DLG2: variants seen among roughly 807,000 people sequenced by gnomAD.
The protein encoded by DLG2 is disks large homolog 2.
DLG2 carries 45 observed loss-of-function variants against 132.5 expected under a neutral mutation model. The observed-to-expected ratio is 0.34, with a 90% CI of 0.27 to 0.44. The LOEUF is 0.44. Among genes scored for constraint, DLG2 ranks in the 20% least tolerant of loss-of-function variants. DLG2 has a pLI of 1.00. For missense variants in DLG2, 1,045 were observed against 1,196.9 expected (o/e 0.87, Z 1.87); for synonymous variants, 424 against 419.6 (o/e 1.01, Z -0.13).
At chr11:84,525,294 A>G (rs971332038) in intron 7 of DLG2, among the ~76,000 whole-genome samples, 2 of 152,258 alleles carry the variant, frequency 1.3e-5, no homozygotes, top group East Asian at 1.9e-4. Flanking sequence ...AGTTACTCCA[A>G]CATAAACTCA....
chr11:84,714,644 TC>T (rs2060976487), intron 6 of DLG2, among the ~76,000 whole-genome samples: 18 of 136,652 alleles, frequency 1.3e-4, no homozygotes, highest in Admixed American at 2.2e-4. Flanking sequence ...TCTCTCTCTC[TC>T]TTTCTCTCTC....
At chr11:84,741,873 G>T (rs142259990) in intron 6 of DLG2, among the ~76,000 whole-genome samples, 168 of 152,080 alleles carry the variant, frequency 1.1e-3, no homozygotes, top group African/African-American at 3.7e-3. Flanking sequence ...ATTATCTTAA[G>T]GAAGCTCAGT....
At chr11:83,966,951 TA>T (rs1276503607) in intron 12 of DLG2, among the ~76,000 whole-genome samples, 1 of 152,108 alleles carries the variant, frequency 6.6e-6, no homozygotes, top group Non-Finnish European at 1.5e-5. Flanking sequence ...ATTTGACTTT[TA>T]TTTTTTAAGA....
chr11:84,921,383 G>A (rs1357214715), intron 6 of DLG2, among the ~76,000 whole-genome samples: 1 of 152,102 alleles, frequency 6.6e-6, no homozygotes, highest in Non-Finnish European at 1.5e-5. Context: ...CAATACATAA[G>A]AAGTATATCT....
intron 10 of DLG2, among the ~76,000 whole-genome samples, chr11:84,065,452 A>C (rs1467621140): frequency 1.3e-5 from 2 of 152,220 alleles, no homozygotes; most frequent in Non-Finnish European, 2.9e-5. Flanking sequence ...ATGGCCAGCA[A>C]GCATATGAAA....
intron 6 of DLG2, among the ~76,000 whole-genome samples, chr11:84,965,966 A>T (rs919349022): frequency 6.6e-6 from 1 of 152,104 alleles, no homozygotes; most frequent in South Asian, 2.1e-4. Flanking sequence ...GTTTCTGTAC[A>T]TACTTCCAAA....
At chr11:84,126,531 A>G (rs912354146) in intron 9 of DLG2, among the ~76,000 whole-genome samples, 1 of 152,204 alleles carries the variant, frequency 6.6e-6, no homozygotes, top group Non-Finnish European at 1.5e-5. Context: ...TGGGTTGTAT[A>G]TAAAGATTTT....
intron 6 of DLG2, among the ~76,000 whole-genome samples, chr11:85,075,530 T>A (rs2066418763): frequency 6.6e-6 from 1 of 151,888 alleles, no homozygotes; most frequent in Non-Finnish European, 1.5e-5. Context: ...TTTTACTGAC[T>A]GAAATAAGCA....
intron 16 of DLG2, among the ~76,000 whole-genome samples, chr11:83,845,304 AAG>A (rs145073147): frequency 2.0e-5 from 3 of 152,310 alleles, no homozygotes; most frequent in African/African-American, 7.2e-5. Context: ...GAAACTTGTG[AAG>A]AGAGGGGCAT....
At chr11:85,324,171 T>C (rs1246365387) in intron 3 of DLG2, among the ~76,000 whole-genome samples, 2 of 152,184 alleles carry the variant, frequency 1.3e-5, no homozygotes, top group East Asian at 1.9e-4. Flanking sequence ...CTCTGAATTA[T>C]GTAGGCCCAG....
intron 10 of DLG2, among the ~76,000 whole-genome samples, chr11:84,084,751 G>A (rs2096952142): frequency 6.6e-6 from 1 of 152,092 alleles, no homozygotes; most frequent in Admixed American, 6.5e-5. Context: ...GATACATAAT[G>A]ATTGTACATT....
chr11:84,541,459 C>T (rs1478750956), intron 6 of DLG2, among the ~76,000 whole-genome samples: 1 of 152,042 alleles, frequency 6.6e-6, no homozygotes, highest in East Asian at 1.9e-4. Context: ...GTGTTGCCTC[C>T]TCAGAAGCAT....
chr11:85,621,732 C>T (rs1342628497), intron 2 of DLG2, among the ~76,000 whole-genome samples: 4 of 152,208 alleles, frequency 2.6e-5, no homozygotes, highest in Admixed American at 1.3e-4. Context: ...TGAGGAGTTG[C>T]TTCTTATGGA....
At chr11:85,141,941 T>C (rs995766560) in intron 5 of DLG2, among the ~76,000 whole-genome samples, 4 of 151,962 alleles carry the variant, frequency 2.6e-5, no homozygotes, top group African/African-American at 7.2e-5. Context: ...AATACCATAC[T>C]GGTTTGGATA....
At chr11:85,055,550 C>A (rs2063365758) in intron 6 of DLG2, among the ~76,000 whole-genome samples, 1 of 152,110 alleles carries the variant, frequency 6.6e-6, no homozygotes, top group Non-Finnish European at 1.5e-5. Context: ...TCTCAATGGA[C>A]TGGGGAAACA....
chr11:85,608,933 C>T (rs2080789522), intron 2 of DLG2, among the ~76,000 whole-genome samples: 1 of 152,086 alleles, frequency 6.6e-6, no homozygotes, highest in South Asian at 2.1e-4. Context: ...TTTGGAGATA[C>T]CTGGTATCTC....
intron 21 of DLG2, among the ~76,000 whole-genome samples, chr11:83,505,671 T>G (rs1055089044): frequency 6.6e-6 from 1 of 152,202 alleles, no homozygotes; most frequent in African/African-American, 2.4e-5. Flanking sequence ...CTACAGCCCA[T>G]GAATCAGTAT....
At chr11:84,160,589 A>C (rs1351632525) in intron 9 of DLG2, among the ~76,000 whole-genome samples, 2 of 152,160 alleles carry the variant, frequency 1.3e-5, no homozygotes, top group African/African-American at 2.4e-5. Context: ...TAATAGTGGA[A>C]GGAAAACATA....
In DLG2 at chr11:84,573,742, G is replaced by A. The variant is rs150697339; in HGVS notation, c.358-39011C>T. 7.3e-3 allele frequency among the ~76,000 whole-genome samples: 1,117 copies of A among 152,252 alleles called. 7 individuals are homozygous for A. Among genetic ancestry groups the A allele is most frequent in the Non-Finnish European group, 0.011 (719 of 68,008 alleles). ...TCAGAGGAAAACCAGATGTCATGGG[G>A]AGGAAAAGCTGTCCATGACTCTAGG... On this transcript the variant is annotated intron_variant, in intron 6 of 27. Transcript: ENST00000376104.
Sources: allele counts gnomAD v4.1 joint callset (sites outside exome capture counted in the v4.1 genomes callset), GRCh38; gene constraint gnomAD v4.1.1; transcripts MANE v1.5; gene names NCBI Gene and HGNC (gene_info 2026-07-23, HGNC 2026-07-21).